Variants in MAML3 observed in about 807,000 individuals in gnomAD.
MAML3 encodes mastermind-like protein 3.
MAML3 carries 27 observed loss-of-function variants against 101.9 expected under a neutral mutation model. The observed-to-expected ratio is 0.27, with a 90% CI of 0.20 to 0.37. The LOEUF is 0.37. MAML3 is among the 10% of genes least tolerant of loss of function. The pLI is 1.00. For missense variants in MAML3, 1,316 were observed against 1,444.9 expected, an observed-to-expected ratio of 0.91 and a Z score of 1.45; for synonymous variants, 501 against 555.9, an observed-to-expected ratio of 0.90 and a Z score of 1.39.
chr4:139,968,283 C>A (rs1310472923), intron 1 of MAML3, among the ~76,000 whole-genome samples: 3 of 146,290 alleles, frequency 2.1e-5, no homozygotes, highest in Non-Finnish European at 3.0e-5. Context: ...ACACTCCAGC[C>A]TGGGCAACAG....
Position 139,755,009 on chromosome 4 carries a change from C to G in MAML3, c.2080-24342G>C, listed in dbSNP as rs573274249. ...TTTGCCTCTTCGGCGTGGCGAATGCCTGAGTGCCACAAACACCATTTCCCT... is the reference window on the plus strand; with the variant it reads ...TTTGCCTCTTCGGCGTGGCGAATGCGTGAGTGCCACAAACACCATTTCCCT... On this transcript the variant is annotated intron_variant, in intron 2 of 4. Transcript: ENST00000509479. 4.6e-5 allele frequency among the ~76,000 whole-genome samples: 7 copies of G among 152,320 alleles called. No individual in the cohort carries two copies. In the South Asian group the frequency reaches 1.5e-3, roughly 32 times the overall value.
chr4:139,908,276 A>G (rs577838549), intron 1 of MAML3, among the ~76,000 whole-genome samples: 1 of 152,318 alleles, frequency 6.6e-6, no homozygotes, highest in South Asian at 2.1e-4. Flanking sequence ...AAAATATGTA[A>G]CTAATTCCTG....
At chr4:139,981,237 AC>A (rs750791765) in intron 1 of MAML3, among the ~76,000 whole-genome samples, 14 of 152,004 alleles carry the variant, frequency 9.2e-5, no homozygotes, top group Non-Finnish European at 1.9e-4. Context: ...GTGCACAGAC[AC>A]CCCGGTGTTT....
At chr4:139,840,134 A>G (rs1236654563) in intron 2 of MAML3, among the ~76,000 whole-genome samples, 1 of 152,202 alleles carries the variant, frequency 6.6e-6, no homozygotes, top group African/African-American at 2.4e-5. Context: ...CTGGATGGAG[A>G]CTGCAATGAC....
At chr4:140,113,409 T>C (rs1370512538) in intron 1 of MAML3, among the ~76,000 whole-genome samples, 1 of 152,226 alleles carries the variant, frequency 6.6e-6, no homozygotes, top group East Asian at 1.9e-4. Flanking sequence ...TCAAGTTTCA[T>C]TAGTCTCATG....
In MAML3 at chr4:140,023,183, G is replaced by A. The variant is rs184551608; in HGVS notation, c.468+129677C>T. On this transcript the variant is annotated intron_variant, in intron 1 of 4. Coordinates refer to ENST00000509479, the MANE Select transcript of MAML3 (RefSeq NM_018717.5). ...GAATGATACTGAGAACTCTGAACCA[G>A]GAAGAGAGCAAATCAAGTTCCTATC... Among the ~76,000 whole-genome samples, 350 of 152,244 alleles carry A rather than the reference G, an allele frequency of 2.3e-3. 1 individual carries two copies. The highest frequency in any genetic ancestry group is 7.2e-3 in the African/African-American group (300 of 41,544).
intron 2 of MAML3, among the ~76,000 whole-genome samples, chr4:139,733,690 T>C (rs148577983): frequency 4.0e-4 from 61 of 152,266 alleles, no homozygotes; most frequent in African/African-American, 1.4e-3. Context: ...TATTATTTTA[T>C]GATTATTTTT....
chr4:139,965,070 T>C (rs1416353482), intron 1 of MAML3, among the ~76,000 whole-genome samples: 1 of 152,210 alleles, frequency 6.6e-6, no homozygotes, highest in African/African-American at 2.4e-5. Context: ...ATAATTAAAT[T>C]ACAAAAATCT....
chr4:140,151,596 G>T (rs1402070133), intron 1 of MAML3, among the ~76,000 whole-genome samples: 1 of 152,048 alleles, frequency 6.6e-6, no homozygotes, highest in Non-Finnish European at 1.5e-5. Context: ...CCGATCGCTG[G>T]GCGGTCTGCA....
At chr4:140,065,961 T>G (rs1727530565) in intron 1 of MAML3, among the ~76,000 whole-genome samples, 1 of 152,202 alleles carries the variant, frequency 6.6e-6, no homozygotes, top group African/African-American at 2.4e-5. Context: ...CAAAAGGATT[T>G]ACTCAAAGTT....
At position 139,730,646 on chromosome 4, in the gene MAML3, G is replaced by A. The variant is rs764252473; in HGVS notation, c.2101C>T (p.Pro701Ser). ...HGQEQHPVGL[P>S]RTTGPMQSSV... ...GACTGCATGGGGCCTGTGGTTCGGG[G>A]AAGTCCAACTGGATGCTGCTCCTGG... is the stretch of plus-strand genomic sequence containing the variant. The change falls in exon 3 of 5, where the codon CCC (proline) becomes TCC (serine). Residue 701 changes from proline to serine, a missense_variant. Physicochemically the swap from Pro to Ser is moderately conservative, Grantham distance 74. Transcript: ENST00000509479. 8.6e-5 allele frequency: 138 copies of A among 1,612,762 alleles called. No homozygotes were observed. The highest frequency in any genetic ancestry group is 3.3e-5 in the Admixed American group (2 of 59,934).
At chr4:139,988,483 G>A (rs1457926008) in intron 1 of MAML3, among the ~76,000 whole-genome samples, 1 of 152,076 alleles carries the variant, frequency 6.6e-6, no homozygotes, top group Non-Finnish European at 1.5e-5. Context: ...ATTTTTTGCT[G>A]GGTTTTAACA....
At chr4:139,820,229 C>T (rs138368879) in intron 2 of MAML3, among the ~76,000 whole-genome samples, 1,534 of 152,296 alleles carry the variant, frequency 0.01, 10 homozygotes, top group African/African-American at 0.021. Context: ...CTGCTTTTCT[C>T]TGAAAGAGTC....
intron 4 of MAML3, among the ~76,000 whole-genome samples, chr4:139,723,539 C>T (rs1026534982): frequency 6.6e-5 from 10 of 152,044 alleles, no homozygotes; most frequent in African/African-American, 1.9e-4. Flanking sequence ...CTCGAACTCC[C>T]GACCTCAGGT....
intron 1 of MAML3, among the ~76,000 whole-genome samples, chr4:140,076,997 C>T (rs1727779015): frequency 6.6e-6 from 1 of 152,064 alleles, no homozygotes; most frequent in Admixed American, 6.5e-5. Context: ...TCAAGCAATT[C>T]ACTCTGCCTC....
At chr4:140,061,925 A>G (rs955948577) in intron 1 of MAML3, among the ~76,000 whole-genome samples, 2 of 152,240 alleles carry the variant, frequency 1.3e-5, no homozygotes, top group African/African-American at 2.4e-5. Context: ...TGTGGCAGAA[A>G]AAAACATCTG....
rs1253348316 is a variant in MAML3, at chr4:139,719,188, A to G, written c.*135T>C. On this transcript the variant is annotated 3_prime_UTR_variant, in exon 5 of 5. Coordinates refer to ENST00000509479, the MANE Select transcript of MAML3 (RefSeq NM_018717.5). ...CTGTGGATTGGCACCTGGATCTTCCATTGTCAGCCAGCTGCAGTTTTGCTC... is the reference window on the plus strand; with the variant it reads ...CTGTGGATTGGCACCTGGATCTTCCGTTGTCAGCCAGCTGCAGTTTTGCTC... The G allele has an allele frequency of 1.2e-5, 12 of 1,019,264 alleles. No homozygotes were observed. Among genetic ancestry groups the G allele is most frequent in the Non-Finnish European group, 1.7e-5 (12 of 723,476 alleles). The allele number at this position is 1,019,264 out of a possible 1,614,324, so 63.1% of individuals were successfully genotyped here. A position where few individuals can be genotyped will look rare whatever the true frequency, so the allele number is the denominator to read the frequency against.
chr4:139,946,265 G>A (rs534015775), intron 1 of MAML3, among the ~76,000 whole-genome samples: 5 of 152,174 alleles, frequency 3.3e-5, no homozygotes, highest in South Asian at 2.1e-4. Context: ...CATAATAGCC[G>A]TTTTTGAAGG....
chr4:139,826,483 A>C (rs1440036711), intron 2 of MAML3, among the ~76,000 whole-genome samples: 1 of 152,228 alleles, frequency 6.6e-6, no homozygotes, highest in Non-Finnish European at 1.5e-5. Flanking sequence ...AAGACACCTG[A>C]ACAAAACATG....
Sources: allele counts gnomAD v4.1 joint callset (sites outside exome capture counted in the v4.1 genomes callset), GRCh38; gene constraint gnomAD v4.1.1; transcripts MANE v1.5; gene names NCBI Gene and HGNC (gene_info 2026-07-23, HGNC 2026-07-21).